C5orf47: variants seen among roughly 807,000 people sequenced by gnomAD.
C5orf47 encodes uncharacterized protein C5orf47.
C5orf47 carries 20 observed loss-of-function variants against 20.6 expected under a neutral mutation model. The ratio of observed to expected loss-of-function variants is 0.97; its 90% CI spans 0.68 to 1.41. The LOEUF (loss-of-function observed/expected upper bound fraction) is 1.41, where lower values mean the gene tolerates loss of function less well. Ranked by LOEUF, C5orf47 falls within the 40% of genes most tolerant of loss-of-function variation. The probability of loss-of-function intolerance (pLI) is 0.00; values close to 1 mark genes in which losing one functional copy is unlikely to be tolerated. For synonymous variants in C5orf47, 106 were observed against 97.3 expected, an observed-to-expected ratio of 1.09 and a Z score of -0.53; for missense variants, 262 against 238.4, an observed-to-expected ratio of 1.10 and a Z score of -0.65.
At chr5:174,008,487 A>T (rs182265598), downstream of C5orf47, among the ~76,000 whole-genome samples, 4 of 152,290 alleles carry the variant, frequency 2.6e-5, no homozygotes, top group Non-Finnish European at 5.9e-5. Flanking sequence ...CTGTAATGGG[A>T]TTATGGATCA....
intron 1 of C5orf47, among the ~76,000 whole-genome samples, 175 bp downstream of exon 1, chr5:173,989,763 G>A (rs1758952170): frequency 6.6e-6 from 1 of 152,244 alleles, no homozygotes; most frequent in African/African-American, 2.4e-5. Flanking sequence ...CCTTCAGAGG[G>A]CCAGCTGTGG....
At chr5:173,994,503 T>C (rs1046102243) in intron 1 of C5orf47, among the ~76,000 whole-genome samples, 2 of 152,130 alleles carry the variant, frequency 1.3e-5, no homozygotes, top group African/African-American at 4.8e-5. Context: ...CAGAGAACAG[T>C]TACAAGACAG....
intron 4 of C5orf47, among the ~76,000 whole-genome samples, chr5:174,002,894 T>C (rs1204144131): frequency 6.6e-6 from 1 of 152,204 alleles, no homozygotes; most frequent in African/African-American, 2.4e-5. Flanking sequence ...GATACTGATA[T>C]TTTTGAAGAA....
intron 1 of C5orf47, among the ~76,000 whole-genome samples, chr5:173,995,258 T>A (rs1759068624): frequency 2.0e-5 from 3 of 152,238 alleles, no homozygotes; most frequent in Admixed American, 2.0e-4. Flanking sequence ...ATCAGACAAG[T>A]AGTCTGCTCT....
downstream of C5orf47, among the ~76,000 whole-genome samples, chr5:174,007,943 T>G (rs1005624042): frequency 1.3e-5 from 2 of 152,128 alleles, no homozygotes; most frequent in African/African-American, 4.8e-5. Flanking sequence ...ATCATTACAT[T>G]AATAACTTTA....
At chr5:173,991,694 T>C (rs1447484324) in intron 1 of C5orf47, among the ~76,000 whole-genome samples, 1 of 152,196 alleles carries the variant, frequency 6.6e-6, no homozygotes, top group East Asian at 1.9e-4. Context: ...ATTTTCCTAA[T>C]ACAGTGTTGG....
intron 1 of C5orf47, among the ~76,000 whole-genome samples, chr5:173,992,011 A>C (rs1759006085): frequency 6.6e-6 from 1 of 152,126 alleles, no homozygotes; most frequent in African/African-American, 2.4e-5. Context: ...TCCTAACTCT[A>C]ATAGGTCAAT....
intron 4 of C5orf47, among the ~76,000 whole-genome samples, chr5:174,003,985 G>A (rs1256591021): frequency 2.0e-5 from 3 of 152,224 alleles, no homozygotes; most frequent in Non-Finnish European, 2.9e-5. Context: ...GGAGGTGAAA[G>A]CCTGTGACAC....
At chr5:174,009,062 A>G (rs185652790), downstream of C5orf47, among the ~76,000 whole-genome samples, 4 of 152,152 alleles carry the variant, frequency 2.6e-5, no homozygotes, top group Non-Finnish European at 5.9e-5. Context: ...GGCAAGTTAC[A>G]TGAGCAGGTA....
chr5:174,007,744 G>T (rs1244684209), downstream of C5orf47, among the ~76,000 whole-genome samples: 3 of 152,026 alleles, frequency 2.0e-5, no homozygotes, highest in South Asian at 2.1e-4. Flanking sequence ...ATTTTTAGTA[G>T]AGACGGGGTT....
chr5:174,006,481 G>GA (rs919854717), downstream of C5orf47, among the ~76,000 whole-genome samples: 5 of 151,444 alleles, frequency 3.3e-5, no homozygotes, highest in Admixed American at 6.6e-5. Context: ...ACGTTCATGA[G>GA]AAAAAAAACA....
intron 1 of C5orf47, among the ~76,000 whole-genome samples, chr5:173,991,922 T>C (rs1264273174): frequency 6.6e-6 from 1 of 152,222 alleles, no homozygotes; most frequent in Non-Finnish European, 1.5e-5. Context: ...TCTGTAACTA[T>C]TAGAACCTAG....
At chr5:173,989,738 G>A in intron 1 of C5orf47, 150 bp downstream of exon 1, 1 of 692,136 alleles carries the variant, frequency 1.4e-6, no homozygotes, top group East Asian at 3.6e-5. Context: ...GGGCGAAGGA[G>A]AAGCCCAGTA....
intron 1 of C5orf47, among the ~76,000 whole-genome samples, chr5:173,991,251 T>C (rs576949709): frequency 8.5e-5 from 13 of 152,214 alleles, no homozygotes; most frequent in Non-Finnish European, 1.8e-4. Context: ...CAATATATAT[T>C]ATTTGTAAAG....
intron 1 of C5orf47, among the ~76,000 whole-genome samples, chr5:173,996,740 A>G (rs2113365762): frequency 6.6e-6 from 1 of 152,340 alleles, no homozygotes; most frequent in South Asian, 2.1e-4. Flanking sequence ...AATTAATTAG[A>G]AACAAATATA....
intron 1 of C5orf47, among the ~76,000 whole-genome samples, chr5:173,996,974 C>T (rs997341022): frequency 6.6e-6 from 1 of 152,154 alleles, no homozygotes; most frequent in African/African-American, 2.4e-5. Flanking sequence ...GTCTGTATGT[C>T]TGTGACCTGC....
chr5:173,998,161 C>G lies in C5orf47; in HGVS notation c.334C>G (p.Gln112Glu). The change falls in exon 2 of 5, where the codon CAG (glutamine) becomes GAG (glutamate). Residue 112 changes from glutamine (Q) to glutamate (E), a missense_variant. Transcript: ENST00000340147. ...TTCTTCTTAAAAATTAGGTTTAATC[C>G]AGAAGGATGCAGCTAAAAAGTATGA... is the stretch of plus-strand genomic sequence containing the variant. Reference protein sequence around the residue: ...TRQSARAGLIQKDAAKKYDFP... With the variant: ...TRQSARAGLIEKDAAKKYDFP... 3 of 1,533,042 alleles carry G rather than the reference C, an allele frequency of 2.0e-6. No homozygotes were observed. The highest frequency in any genetic ancestry group is 2.6e-6 in the Non-Finnish European group (3 of 1,135,212). 95.0% of individuals were successfully genotyped at this position (1,533,042 alleles called of 1,614,324 possible).
chr5:173,997,709 G>GGTGTGT (rs112339082), intron 1 of C5orf47, among the ~76,000 whole-genome samples: 1 of 150,278 alleles, frequency 6.7e-6, no homozygotes, highest in African/African-American at 2.4e-5. Context: ...TGCCTGGGAG[G>GGTGTGT]GTGTGTGTGT....
At chr5:174,002,903 A>T (rs1759224512) in intron 4 of C5orf47, among the ~76,000 whole-genome samples, 2 of 152,132 alleles carry the variant, frequency 1.3e-5, no homozygotes, top group Admixed American at 1.3e-4. Flanking sequence ...ATTTTTGAAG[A>T]ATACAGGCCC....
Sources: allele counts gnomAD v4.1 joint callset (sites outside exome capture counted in the v4.1 genomes callset), GRCh38; gene constraint gnomAD v4.1.1; transcripts MANE v1.5; gene names NCBI Gene and HGNC (gene_info 2026-07-23, HGNC 2026-07-21).